NCEH1: variants seen among roughly 807,000 people sequenced by gnomAD.
NCEH1 encodes neutral cholesterol ester hydrolase 1.
A neutral mutation model predicts 25.4 loss-of-function variants in NCEH1; 9 were observed. The observed-to-expected ratio is 0.35, with a 90% CI of 0.21 to 0.62. The LOEUF is 0.62. Among genes scored for constraint, NCEH1 ranks in the 20% least tolerant of loss-of-function variants. The pLI is 0.72. For synonymous variants in NCEH1, 200 were observed against 199.8 expected (o/e 1.00, Z -0.01); for missense variants, 412 against 501.1 (o/e 0.82, Z 1.70).
intron 3 of NCEH1, among the ~76,000 whole-genome samples, chr3:172,638,858 A>G (rs778894972): frequency 6.6e-6 from 1 of 152,240 alleles, no homozygotes; most frequent in African/African-American, 2.4e-5. Context: ...TAATTGGCTT[A>G]TATAATAGGA....
intron 3 of NCEH1, 22 bp downstream of exon 3, chr3:172,645,601 A>G (rs754149316): frequency 4.0e-6 from 6 of 1,506,294 alleles, no homozygotes; most frequent in Middle Eastern, 1.7e-4. Context: ...AAAATTTTCT[A>G]TGACTAGCAT....
chr3:172,699,399 G>A lies in NCEH1; in HGVS notation c.138+11448C>T, dbSNP rs532455651. Among the ~76,000 whole-genome samples, 24 of 152,290 alleles carry A rather than the reference G, an allele frequency of 1.6e-4. No homozygotes were observed. In the Middle Eastern group the frequency reaches 0.01, roughly 65 times the overall value. On this transcript the variant is annotated intron_variant, in intron 1 of 4. Transcript: ENST00000475381. ...TTATTCTACAGGGGATAGGAAGTGC[G>A]GGTGGGGTGGAGGAGTGGTAACTGG...
chr3:172,663,150 G>A lies in NCEH1; in HGVS notation c.139-15036C>T, dbSNP rs973693085. 6.6e-5 allele frequency among the ~76,000 whole-genome samples: 10 copies of A among 152,064 alleles called. No individual in the cohort carries two copies. In the East Asian group the frequency reaches 1.9e-3, roughly 29 times the overall value. On this transcript the variant is annotated intron_variant, in intron 1 of 4. Transcript: ENST00000475381. Reference sequence around the variant, plus strand: ...GCTTTAAATGTGTCCCAGAGATTCTGGTATGTCATGTCTTTGTTCTCGTTG... The same window carrying A: ...GCTTTAAATGTGTCCCAGAGATTCTAGTATGTCATGTCTTTGTTCTCGTTG...
intron 1 of NCEH1, among the ~76,000 whole-genome samples, chr3:172,702,535 C>A (rs951010071): frequency 7.9e-5 from 12 of 152,224 alleles, no homozygotes. Context: ...ATCTGCCTTA[C>A]ACATTTCTGT....
At position 172,685,593 on chromosome 3, in the gene NCEH1, T is replaced by A. The variant is rs899896530; in HGVS notation, c.138+25254A>T. Among the ~76,000 whole-genome samples, 22 of 152,344 alleles carry A rather than the reference T, an allele frequency of 1.4e-4. 1 individual carries two copies. In the South Asian group the frequency reaches 2.9e-3, roughly 20 times the overall value. On this transcript the variant is annotated intron_variant, in intron 1 of 4. Coordinates refer to ENST00000475381, the MANE Select transcript of NCEH1 (RefSeq NM_020792.6). The stretch of plus-strand genomic sequence containing the variant: ...GGGCAGCAGGTTTCTACTTCAAGAT[T>A]CTTTCATTATATCTTGATTGAAAAT...
In NCEH1 at chr3:172,699,526, C is replaced by G. The variant is rs141349465; in HGVS notation, c.138+11321G>C. On this transcript the variant is annotated intron_variant, in intron 1 of 4. Transcript: ENST00000475381. The stretch of plus-strand genomic sequence containing the variant: ...ATGTGTGCAAGTCAAATAAATGCAG[C>G]CTGAGCATCCGTCCAGGTTTGACTG... 2.3e-3 allele frequency among the ~76,000 whole-genome samples: 346 copies of G among 152,248 alleles called. 2 individuals are homozygous for G. Among genetic ancestry groups the G allele is most frequent in the Middle Eastern group, 3.4e-3 (1 of 294 alleles).
At chr3:172,702,162 C>A (rs896217054) in intron 1 of NCEH1, among the ~76,000 whole-genome samples, 9 of 152,328 alleles carry the variant, frequency 5.9e-5, no homozygotes, top group African/African-American at 2.2e-4. Context: ...ACGGTGTCAT[C>A]TTAAGCAAGT....
intron 1 of NCEH1, among the ~76,000 whole-genome samples, chr3:172,681,402 A>G (rs997516152): frequency 3.9e-5 from 6 of 152,210 alleles, no homozygotes; most frequent in Non-Finnish European, 7.3e-5. Context: ...CAAATTTTCA[A>G]ATTTTCATTT....
At chr3:172,676,244 C>G (rs934423366) in intron 1 of NCEH1, among the ~76,000 whole-genome samples, 1 of 152,124 alleles carries the variant, frequency 6.6e-6, no homozygotes, top group Non-Finnish European at 1.5e-5. Flanking sequence ...AAACCCCGAA[C>G]CATTTCTTTT....
rs549409762 is a variant in NCEH1 at position 172,704,508 on chromosome 3, A to G, written c.138+6339T>C. ...ACTGGCAGTTGGTTTATCATCCTTCACTTGACTGTAAGCTTCTCAAGTTTA... is the reference window on the plus strand; with the variant it reads ...ACTGGCAGTTGGTTTATCATCCTTCGCTTGACTGTAAGCTTCTCAAGTTTA... On this transcript the variant is annotated intron_variant, in intron 1 of 4. Transcript: ENST00000475381. 3.9e-5 allele frequency among the ~76,000 whole-genome samples: 6 copies of G among 152,204 alleles called. No individual in the cohort carries two copies. The South Asian group carries it at 8.3e-4, about 21-fold the overall frequency.
chr3:172,660,785 T>A (rs1717939736), intron 1 of NCEH1, among the ~76,000 whole-genome samples: 1 of 152,226 alleles, frequency 6.6e-6, no homozygotes, highest in Non-Finnish European at 1.5e-5. Context: ...CTGTGAGAAG[T>A]GTCTGTTGAT....
chr3:172,653,753 T>TTGG lies in NCEH1; in HGVS notation c.139-5640_139-5639insCCA, dbSNP rs1553830348. On this transcript the variant is annotated intron_variant, in intron 1 of 4. Transcript: ENST00000475381. ...TTGTTCTGTTTTTTTTGTTTTTTTGTTTTTTTGTTTTTTTTTTTTTTTGAG... is the reference window on the plus strand; with the variant it reads ...TTGTTCTGTTTTTTTTGTTTTTTTGTTGGTTTTTTGTTTTTTTTTTTTTTTGAG... 5.8e-5 allele frequency among the ~76,000 whole-genome samples: 5 copies of TTGG among 85,998 alleles called. 1 individual carries two copies. The allele number at this position is 85,998 out of a possible 152,430, so 56.4% of individuals were successfully genotyped here.
At chr3:172,648,224 C>A (rs955965949) in intron 1 of NCEH1, 110 bp from the exon 2 acceptor site, 8 of 1,278,616 alleles carry the variant, frequency 6.3e-6, no homozygotes, top group Non-Finnish European at 7.7e-6. Flanking sequence ...TGCCACTGGA[C>A]TGGAGGGCTC....
At chr3:172,648,235 A>C in intron 1 of NCEH1, 121 bp from the exon 2 acceptor site, 3 of 1,150,850 alleles carry the variant, frequency 2.6e-6, no homozygotes, top group Non-Finnish European at 3.7e-6. Context: ...TGGAGGGCTC[A>C]TTGAGCCCTT....
intron 1 of NCEH1, among the ~76,000 whole-genome samples, chr3:172,653,193 G>GA (rs1485050019): frequency 6.6e-6 from 1 of 152,088 alleles, no homozygotes; most frequent in Non-Finnish European, 1.5e-5. Context: ...TAATGAGATG[G>GA]AAGGGGATAA....
At chr3:172,692,960 GAA>G (rs918865506) in intron 1 of NCEH1, among the ~76,000 whole-genome samples, 3 of 152,238 alleles carry the variant, frequency 2.0e-5, no homozygotes, top group Admixed American at 2.0e-4. Flanking sequence ...TCTTCCTATT[GAA>G]AGAGTGCTAC....
intron 1 of NCEH1, among the ~76,000 whole-genome samples, chr3:172,651,568 T>A (rs999881818): frequency 1.3e-5 from 2 of 152,110 alleles, no homozygotes; most frequent in Non-Finnish European, 2.9e-5. Context: ...AGAATCTTTT[T>A]TTTTTTTTGA....
intron 1 of NCEH1, among the ~76,000 whole-genome samples, chr3:172,682,320 C>T (rs1712426814): frequency 6.6e-6 from 1 of 152,206 alleles, no homozygotes; most frequent in Non-Finnish European, 1.5e-5. Context: ...CTACTGTTTA[C>T]TGTAAATCCT....
In NCEH1 at chr3:172,633,974, A is replaced by G; in HGVS notation, c.728T>C (p.Leu243Pro). The stretch of plus-strand genomic sequence containing the variant: ...ATACTTCACCATGACATAGCGGGGC[A>G]GGATTGGGGTGTTCACATTTTGCTG... ...SYQQNVNTPILPRYVMVKYWV... is the reference protein window; with the variant it reads ...SYQQNVNTPIPPRYVMVKYWV... Residue 243 changes from leucine (L) to proline (P), a missense_variant, in exon 5 of 5, where the codon CTG becomes CCG. Physicochemically the swap from Leu to Pro is moderately conservative, Grantham distance 98. This residue lies in a region of NCEH1 where 210 missense variants were observed against 258.2 expected (regional missense o/e 0.81). Transcript: ENST00000475381. 6.2e-7 allele frequency: 1 copy of G among 1,614,230 alleles called. No individual in the cohort carries two copies.
Sources: gnomAD v4.1 joint callset for allele counts (sites outside exome capture counted in the v4.1 genomes callset) on GRCh38, gnomAD v4.1.1 for gene constraint, gnomAD v4.1.1 regional missense constraint, MANE v1.5 for transcripts, NCBI Gene and HGNC (gene_info 2026-07-23, HGNC 2026-07-21) for gene names.